Variants in CDK8 observed in about 807,000 individuals in gnomAD.
The protein encoded by CDK8 is cyclin-dependent kinase 8.
In CDK8, 29 loss-of-function variants were observed where a neutral mutation model predicts 71.5. The ratio of observed to expected loss-of-function variants is 0.41; its 90% CI spans 0.30 to 0.55. CDK8 has a LOEUF of 0.55. CDK8 is among the 20% of genes least tolerant of loss of function. The probability of loss-of-function intolerance (pLI) is 0.37; values close to 1 mark genes in which losing one functional copy is unlikely to be tolerated. For synonymous variants in CDK8, 161 were observed against 192.1 expected (o/e 0.84, Z 1.34); for missense variants, 288 against 572.6 (o/e 0.50, Z 5.07).
chr13:26,378,325 C>T (rs1324150171), intron 4 of CDK8, among the ~76,000 whole-genome samples: 1 of 152,140 alleles, frequency 6.6e-6, no homozygotes, highest in Non-Finnish European at 1.5e-5. Context: ...GGTGCACTCT[C>T]CTCCAGCATG....
intron 4 of CDK8, among the ~76,000 whole-genome samples, chr13:26,374,727 T>C (rs1487929584): frequency 2.6e-5 from 4 of 152,170 alleles, no homozygotes; most frequent in African/African-American, 4.8e-5. Context: ...TTAAAATATG[T>C]TACATTATAT....
At chr13:26,378,180 T>A (rs1244848745) in intron 4 of CDK8, among the ~76,000 whole-genome samples, 1 of 152,266 alleles carries the variant, frequency 6.6e-6, no homozygotes, top group Non-Finnish European at 1.5e-5. Context: ...ATAGCTCTGA[T>A]AAATGCTGCA....
At chr13:26,303,949 CCTT>C (rs1873927887) in intron 1 of CDK8, among the ~76,000 whole-genome samples, 1 of 152,110 alleles carries the variant, frequency 6.6e-6, no homozygotes, top group South Asian at 2.1e-4. Flanking sequence ...TATTTCCCCT[CCTT>C]TTACTTTAAC....
At chr13:26,344,210 T>C (rs1873364888) in intron 2 of CDK8, among the ~76,000 whole-genome samples, 1 of 152,248 alleles carries the variant, frequency 6.6e-6, no homozygotes, top group Non-Finnish European at 1.5e-5. Context: ...TCTATGTTGC[T>C]GCAAAAGACA....
chr13:26,286,260 A>G (rs925908648), intron 1 of CDK8, among the ~76,000 whole-genome samples: 1 of 152,214 alleles, frequency 6.6e-6, no homozygotes, highest in Admixed American at 6.5e-5. Flanking sequence ...ACTTCAAGCT[A>G]TATACTACAA....
Position 26,397,173 on chromosome 13 carries a change from T to C in CDK8, c.881T>C (p.Ile294Thr), listed in dbSNP as rs754163374. Residue 294 changes from isoleucine to threonine, a missense_variant, in exon 9 of 13, where the codon ATC (isoleucine) becomes ACC (threonine). Ile to Thr is a moderately conservative substitution (Grantham distance 89, BLOSUM62 -1). This residue lies in a region of CDK8 where 96 missense variants were observed against 229.8 expected (regional missense o/e 0.42). Coordinates refer to ENST00000381527, the MANE Select transcript of CDK8 (RefSeq NM_001260.3). ...TTCAGGTATACCAACTGCAGCCTTATCAAGTATATGGAAAAACATAAAGTT... is the reference window on the plus strand; with the variant it reads ...TTCAGGTATACCAACTGCAGCCTTACCAAGTATATGGAAAAACATAAAGTT... ...RRNTYTNCSL[I>T]KYMEKHKVKP... is the part of the protein sequence containing the mutation. The C allele has an allele frequency of 1.3e-6, 2 of 1,593,068 alleles. No homozygotes were observed. The highest frequency in any genetic ancestry group is 2.2e-5 in the South Asian group (2 of 90,096).
At chr13:26,356,529 C>T (rs991730676) in intron 4 of CDK8, among the ~76,000 whole-genome samples, 3 of 152,162 alleles carry the variant, frequency 2.0e-5, no homozygotes, top group African/African-American at 7.2e-5. Context: ...GCCTTTGCCT[C>T]TAATCTAGAT....
intron 4 of CDK8, among the ~76,000 whole-genome samples, chr13:26,356,510 A>G (rs1209001297): frequency 6.6e-6 from 1 of 152,222 alleles, no homozygotes; most frequent in Non-Finnish European, 1.5e-5. Context: ...TTGTTTCATG[A>G]AAATGATAGC....
chr13:26,351,853 G>C (rs1256232506), intron 3 of CDK8, among the ~76,000 whole-genome samples: 1 of 152,126 alleles, frequency 6.6e-6, no homozygotes, highest in East Asian at 1.9e-4. Context: ...GGGTAACAAG[G>C]CAGTCGCAAT....
At chr13:26,306,550 G>A (rs1404353377) in intron 1 of CDK8, among the ~76,000 whole-genome samples, 1 of 150,948 alleles carries the variant, frequency 6.6e-6, no homozygotes, top group Non-Finnish European at 1.5e-5. Context: ...AATGAAAAGA[G>A]AATCTGTTCA....
chr13:26,322,368 T>C (rs1258726412), intron 1 of CDK8, among the ~76,000 whole-genome samples: 1 of 152,198 alleles, frequency 6.6e-6, no homozygotes, highest in African/African-American at 2.4e-5. Context: ...TGGCTGCTGA[T>C]GCTCCCATTC....
At chr13:26,381,953 A>G (rs1013775927) in intron 4 of CDK8, among the ~76,000 whole-genome samples, 2 of 152,180 alleles carry the variant, frequency 1.3e-5, no homozygotes, top group African/African-American at 4.8e-5. Flanking sequence ...GAGGTGTTCA[A>G]TCTAGTTTCA....
chr13:26,255,742 A>G (rs1375854649), intron 1 of CDK8, among the ~76,000 whole-genome samples: 1 of 152,212 alleles, frequency 6.6e-6, no homozygotes, highest in African/African-American at 2.4e-5. Context: ...AAAGCTTATT[A>G]TATAATCCTT....
At chr13:26,299,869 G>A (rs1873744573) in intron 1 of CDK8, among the ~76,000 whole-genome samples, 1 of 152,126 alleles carries the variant, frequency 6.6e-6, no homozygotes. Flanking sequence ...GGGCCAGATA[G>A]TAAATGTTTT....
chr13:26,343,417 A>G (rs1355494831), intron 2 of CDK8, among the ~76,000 whole-genome samples: 1 of 152,218 alleles, frequency 6.6e-6, no homozygotes, highest in Non-Finnish European at 1.5e-5. Flanking sequence ...TACGGAATAA[A>G]TGATTAAAAA....
intron 2 of CDK8, among the ~76,000 whole-genome samples, chr13:26,346,141 C>T (rs1049847253): frequency 6.6e-6 from 1 of 152,116 alleles, no homozygotes; most frequent in Non-Finnish European, 1.5e-5. Context: ...AGGAATGTAA[C>T]CTTGAGCAAA....
Position 26,353,845 on chromosome 13 carries a change from T to C in CDK8, c.421T>C (p.Tyr141His), listed in dbSNP as rs1339818101. 1 of 1,613,478 alleles carries C rather than the reference T, an allele frequency of 6.2e-7. No individual in the cohort carries two copies. The highest frequency in any genetic ancestry group is 1.7e-5 in the Admixed American group (1 of 60,014). The change falls in exon 4 of 13, where the codon TAC (tyrosine) becomes CAC (histidine). Residue 141 changes from tyrosine (Y) to histidine (H), a missense_variant. Physicochemically the swap from Tyr to His is moderately conservative, Grantham distance 83. This residue lies in a region of CDK8 where 95 missense variants were observed against 177.3 expected (regional missense o/e 0.54). Coordinates refer to ENST00000381527, the MANE Select transcript of CDK8 (RefSeq NM_001260.3). ...LLYQILDGIHYLHANWVLHRD... is the reference protein window; with the variant it reads ...LLYQILDGIHHLHANWVLHRD... Reference sequence around the variant, plus strand: ...ATATCAGATCCTAGATGGTATTCACTACCTGCATGCTAACTGGGTGTTGCA... The same window carrying C: ...ATATCAGATCCTAGATGGTATTCACCACCTGCATGCTAACTGGGTGTTGCA...
chr13:26,350,752 T>C (rs1254623180), intron 3 of CDK8, among the ~76,000 whole-genome samples: 3 of 152,184 alleles, frequency 2.0e-5, no homozygotes, highest in African/African-American at 7.2e-5. Flanking sequence ...GTTTATCTAA[T>C]GCATTGCAGA....
intron 1 of CDK8, among the ~76,000 whole-genome samples, chr13:26,277,278 T>C (rs74040473): frequency 0.058 from 8,825 of 152,244 alleles, 860 homozygotes; most frequent in African/African-American, 0.2. Flanking sequence ...ACAGGGTAAA[T>C]AGTAAGTATT....
Sources: gnomAD v4.1 joint callset for allele counts (sites outside exome capture counted in the v4.1 genomes callset) on GRCh38, gnomAD v4.1.1 for gene constraint, gnomAD v4.1.1 regional missense constraint, MANE v1.5 for transcripts, NCBI Gene and HGNC (gene_info 2026-07-23, HGNC 2026-07-21) for gene names.